VCP: variants seen among roughly 807,000 people sequenced by gnomAD.
VCP encodes transitional endoplasmic reticulum ATPase.
In VCP, 6 loss-of-function variants were observed where a neutral mutation model predicts 85.7. The observed-to-expected ratio is 0.07, with a 90% CI of 0.04 to 0.14. The LOEUF is 0.14. Among genes scored for constraint, VCP ranks in the 10% least tolerant of loss-of-function variants. VCP has a pLI of 1.00. For synonymous variants in VCP, 384 were observed against 367.1 expected (o/e 1.05, Z -0.53); for missense variants, 353 against 1,043.4 (o/e 0.34, Z 9.12).
intron 13 of VCP, among the ~76,000 whole-genome samples, 182 bp downstream of exon 13, chr9:35,060,131 A>G (rs72722960): frequency 1.6e-4 from 11 of 69,248 alleles, no homozygotes; most frequent in Non-Finnish European, 5.2e-4. Flanking sequence ...ACCCTGTCTC[A>G]AGAGAGAGAG....
intron 7 of VCP, 22 bp downstream of exon 7, chr9:35,062,956 T>TA: frequency 6.2e-7 from 1 of 1,613,588 alleles, no homozygotes; most frequent in Non-Finnish European, 8.5e-7. Flanking sequence ...TAGCTAGACA[T>TA]AAGATGAACC....
rs773912640 is a variant in VCP, at chr9:35,057,460, C to T, written c.2231G>A (p.Arg744His). The stretch of plus-strand genomic sequence containing the variant: ...AATGTCATTGTCACTGACAGAACGG[C>T]GCGCAAAGCGCATGGCTTCTTCAAA... ...DHFEEAMRFA[R>H]RSVSDNDIRK... Residue 744 changes from arginine (R) to histidine (H), a missense_variant, in exon 16 of 17, where the codon CGC (arginine) becomes CAC (histidine). Arg to His is a conservative substitution (Grantham distance 29, BLOSUM62 0). Transcript: ENST00000358901. The T allele has an allele frequency of 4.3e-6, 7 of 1,614,050 alleles. No individual in the cohort carries two copies. The highest frequency in any genetic ancestry group is 2.2e-5 in the East Asian group (1 of 44,904).
intron 5 of VCP, 117 bp downstream of exon 5, chr9:35,065,134 C>G: frequency 6.8e-7 from 1 of 1,472,348 alleles, no homozygotes; most frequent in Non-Finnish European, 9.4e-7. Context: ...TCCCAAAGTA[C>G]TGGGATTACA....
At position 35,060,308 on chromosome 9, in the gene VCP, C is replaced by T; in HGVS notation, c.1695+5G>A. ...CAATACATAGTTCAGCCTATTGTAG[C>T]TCACCTTGTCAAAGATTTCTCTGAC... is the stretch of plus-strand genomic sequence containing the variant. On this transcript the variant is annotated splice_donor_5th_base_variant and intron_variant, in intron 13 of 16. Transcript: ENST00000358901. 6.2e-7 allele frequency: 1 copy of T among 1,614,062 alleles called. No homozygotes were observed. The highest frequency in any genetic ancestry group is 8.5e-7 in the Non-Finnish European group (1 of 1,179,906).
chr9:35,064,487 G>A (rs1828789708), intron 5 of VCP, among the ~76,000 whole-genome samples: 3 of 151,976 alleles, frequency 2.0e-5, no homozygotes, highest in Admixed American at 2.0e-4. Context: ...GGAGTTCCTG[G>A]GCAATACAGC....
Position 35,060,906 on chromosome 9 carries a change from A to G in VCP, c.1377T>C (p.Ser459=). 6.2e-7 allele frequency: 1 copy of G among 1,614,146 alleles called. No homozygotes were observed. Among genetic ancestry groups the G allele is most frequent in the African/African-American group, 1.3e-5 (1 of 75,024 alleles). The change falls in exon 12 of 17, where the codon AGT becomes AGC. Residue 459 remains serine (S), a synonymous_variant. Transcript: ENST00000358901. ...CGGTTTCCCGCAGTGCTGATGGGTT[A>G]CTCTGGCTCAAGGCCCACTAGAAAA... ...MDDFRWALSQ[S]NPSALRETVV... is the part of the protein sequence containing the mutation.
At chr9:35,061,303 T>A (rs1828716566) in intron 10 of VCP, 124 bp from the exon 11 acceptor site, 2 of 1,303,940 alleles carry the variant, frequency 1.5e-6, no homozygotes, top group Non-Finnish European at 1.1e-6. Flanking sequence ...GAATATATAC[T>A]ATCAATACCT....
In VCP at chr9:35,059,051, G is replaced by A. The variant is rs368358470; in HGVS notation, c.2160+13C>T. On this transcript the variant is annotated intron_variant, in intron 15 of 16. Transcript: ENST00000358901. This position sits in a 1 kb window ranked among gnomAD's most constrained non-coding sequence, Gnocchi z 4.9. ...CCATGATTGGCACATCTGGGGAAAG[G>A]ATGCAGACTCACCATGGCTGATGGG... 3 of 1,613,634 alleles carry A rather than the reference G, an allele frequency of 1.9e-6. No homozygotes were observed. Among genetic ancestry groups the A allele is most frequent in the Non-Finnish European group, 2.5e-6 (3 of 1,180,006 alleles).
intron 5 of VCP, among the ~76,000 whole-genome samples, chr9:35,064,881 T>C (rs1828796992): frequency 6.6e-6 from 1 of 152,208 alleles, no homozygotes; most frequent in South Asian, 2.1e-4. Context: ...GTCTTTTTCT[T>C]TTTTGAGACA....
chr9:35,062,914 T>C, intron 7 of VCP, 64 bp downstream of exon 7: 2 of 1,515,126 alleles, frequency 1.3e-6, no homozygotes, highest in African/African-American at 1.4e-5. Context: ...TCATAAGTGC[T>C]CCAGCTCATA....
Position 35,071,291 on chromosome 9 carries a change from GTGTTTTTT to G in VCP, c.17+1038_17+1045del, listed in dbSNP as rs781405879. ...TGCATAGAGTTTCCTTGGGCTGGCT[GTGTTTTTT>G]TTTTTTTTTTTTTTTTTTTTTTTGC... On this transcript the variant is annotated intron_variant, in intron 1 of 16. Transcript: ENST00000358901. Among the ~76,000 whole-genome samples the G allele has an allele frequency of 4.2e-5, 4 of 95,016 alleles. No homozygotes were observed. In the South Asian group the frequency reaches 1.2e-3, roughly 28 times the overall value. 62.3% of individuals were successfully genotyped at this position (95,016 alleles called of 152,430 possible). A position where few individuals can be genotyped will look rare whatever the true frequency, so the allele number is the denominator to read the frequency against.
intron 6 of VCP, 73 bp from the exon 7 acceptor site, chr9:35,063,153 A>T: frequency 7.5e-7 from 1 of 1,329,686 alleles, no homozygotes; most frequent in Non-Finnish European, 1.1e-6. Flanking sequence ...CTAGCGCTCC[A>T]GAGAGGGTGA....
rs1383725061 is a variant in VCP, at chr9:35,060,545, G to A, written c.1483-20C>T. ...AGGATACTAGGAGGAAAAGGAAAGA[G>A]GGTTCAAGGCTACCTCCACATTTTG... On this transcript the variant is annotated intron_variant, in intron 12 of 16. Transcript: ENST00000358901. 14 of 1,612,024 alleles carry A rather than the reference G, an allele frequency of 8.7e-6. No individual in the cohort carries two copies. The highest frequency in any genetic ancestry group is 1.2e-5 in the Non-Finnish European group (14 of 1,178,690).
chr9:35,056,810 T>A lies in VCP; in HGVS notation c.*307A>T, dbSNP rs990629509. 4 of 392,804 alleles carry A rather than the reference T, an allele frequency of 1.0e-5. No homozygotes were observed. The highest frequency in any genetic ancestry group is 6.4e-5 in the South Asian group (3 of 47,010). The allele number at this position is 392,804 out of a possible 1,614,324, so 24.3% of individuals were successfully genotyped here. A position where few individuals can be genotyped will look rare whatever the true frequency, so the allele number is the denominator to read the frequency against. ...TGGCAGGTGGCAGTAGTGCCTTGGTTCACACCCCACACAGGTCCCCTGCAC... is the reference window on the plus strand; with the variant it reads ...TGGCAGGTGGCAGTAGTGCCTTGGTACACACCCCACACAGGTCCCCTGCAC... On this transcript the variant is annotated 3_prime_UTR_variant, in exon 17 of 17. Coordinates refer to ENST00000358901, the MANE Select transcript of VCP (RefSeq NM_007126.5).
chr9:35,072,180 C>T, intron 1 of VCP, 157 bp downstream of exon 1: 3 of 1,416,096 alleles, frequency 2.1e-6, no homozygotes, highest in African/African-American at 1.5e-5. Context: ...CCGGGCCTGC[C>T]GGGTCCACGG....
In VCP at chr9:35,061,706, A is replaced by AAACAGTACACG. The variant is rs1300729931; in HGVS notation, c.1082-18_1082-17insCGTGTACTGTT. ...CAAAGCGACCTGTGGGACAGTACAC[A>AAACAGTACACG]AACATAAACAGGGCTCATCTCTAGT... On this transcript the variant is annotated splice_polypyrimidine_tract_variant and intron_variant, in intron 9 of 16. Coordinates refer to ENST00000358901, the MANE Select transcript of VCP (RefSeq NM_007126.5). 2 of 1,598,330 alleles carry AAACAGTACACG rather than the reference A, an allele frequency of 1.3e-6. No individual in the cohort carries two copies. Among genetic ancestry groups the AAACAGTACACG allele is most frequent in the Non-Finnish European group, 1.7e-6 (2 of 1,165,524 alleles).
At chr9:35,057,618 C>G in intron 15 of VCP, 88 bp from the exon 16 acceptor site, 1 of 1,554,562 alleles carries the variant, frequency 6.4e-7, no homozygotes, top group Non-Finnish European at 8.8e-7. Context: ...GTTTATTGGT[C>G]TCCTTGCCCT....
At chr9:35,062,440 G>C (rs1828744937) in intron 7 of VCP, 90 bp from the exon 8 acceptor site, 3 of 1,594,138 alleles carry the variant, frequency 1.9e-6, no homozygotes, top group Admixed American at 3.4e-5. Flanking sequence ...TTGGCCCAGA[G>C]ACAGGTCCTG....
chr9:35,060,712 C>T (rs183508541), intron 12 of VCP, 89 bp downstream of exon 12: 24 of 1,610,106 alleles, frequency 1.5e-5, no homozygotes, highest in Middle Eastern at 3.3e-4. Context: ...TCTCACAACT[C>T]TTGCAGCAAA....
Sources: allele counts gnomAD v4.1 joint callset (sites outside exome capture counted in the v4.1 genomes callset), GRCh38; gene constraint gnomAD v4.1.1; non-coding constraint Gnocchi (gnomAD v3.1); transcripts MANE v1.5; gene names NCBI Gene and HGNC (gene_info 2026-07-23, HGNC 2026-07-21).